The following GHITM variants were observed in gnomAD, a reference collection of about 807,000 sequenced individuals.
GHITM encodes the protein growth hormone-inducible transmembrane protein.
A neutral mutation model predicts 38.7 loss-of-function variants in GHITM; 24 were observed. That is an observed-to-expected ratio of 0.62 (90% CI 0.45 to 0.87). GHITM has a LOEUF of 0.87. Ranked by LOEUF, GHITM falls within the 40% of genes least tolerant of loss-of-function variation. The pLI is 0.00. For synonymous variants in GHITM, 154 were observed against 147.8 expected (o/e 1.04, Z -0.30); for missense variants, 420 against 429.8 (o/e 0.98, Z 0.20).
chr10:84,142,686 G>T lies in GHITM; in HGVS notation c.161G>T (p.Arg54Leu). ...EYATKTRIGIRRGRTGQELKE... is the reference protein window; with the variant it reads ...EYATKTRIGILRGRTGQELKE... ...GCCACCAAAACAAGAATTGGGATCC[G>T]GCGTGGGAGAACTGGCCAAGAACTC... The change falls in exon 3 of 9, where the codon CGG becomes CTG. Residue 54 changes from arginine (R) to leucine (L), a missense_variant. Coordinates refer to ENST00000372134, the MANE Select transcript of GHITM (RefSeq NM_014394.3). 2 of 1,612,578 alleles carry T rather than the reference G, an allele frequency of 1.2e-6. No individual in the cohort carries two copies. The highest frequency in any genetic ancestry group is 1.7e-6 in the Non-Finnish European group (2 of 1,179,062).
rs997723698 is a variant in GHITM at position 84,152,925 on chromosome 10, T to G, written c.*577T>G. 3 of 152,248 alleles carry G rather than the reference T, an allele frequency of 2.0e-5. No individual in the cohort carries two copies. The highest frequency in any genetic ancestry group is 4.4e-5 in the Non-Finnish European group (3 of 68,056). The allele number at this position is 152,248 out of a possible 1,614,324, so 9.4% of individuals were successfully genotyped here. ...TCATCTGCTGAACTTAACAAAACTG[T>G]TCATCCTGAAACAGGCACAGGTGAT... On this transcript the variant is annotated 3_prime_UTR_variant, in exon 9 of 9. Coordinates refer to ENST00000372134, the MANE Select transcript of GHITM (RefSeq NM_014394.3).
intron 3 of GHITM, 51 bp downstream of exon 3, chr10:84,142,805 G>T (rs1841520561): frequency 3.2e-6 from 3 of 952,334 alleles, no homozygotes; most frequent in South Asian, 1.4e-5. Context: ...TATGTTTTAA[G>T]AGGTCCATGA....
rs1014357608 is a variant in GHITM, at chr10:84,141,529, G to C, written c.29G>C (p.Arg10Pro). MLAARLVCL[R>P]TLPSRVFHPA... ...TTGGCTGCAAGGCTGGTGTGTCTCCGGACACTACCTTCTAGGGTTTTCCAC... is the reference window on the plus strand; with the variant it reads ...TTGGCTGCAAGGCTGGTGTGTCTCCCGACACTACCTTCTAGGGTTTTCCAC... The change falls in exon 2 of 9, where the codon CGG becomes CCG. Residue 10 changes from arginine (R) to proline (P), a missense_variant. Transcript: ENST00000372134. 6.2e-7 allele frequency: 1 copy of C among 1,613,350 alleles called. No homozygotes were observed. The highest frequency in any genetic ancestry group is 1.3e-5 in the African/African-American group (1 of 74,840).
chr10:84,146,749 A>G (rs753054900), intron 5 of GHITM, among the ~76,000 whole-genome samples: 5 of 152,234 alleles, frequency 3.3e-5, no homozygotes, highest in Non-Finnish European at 5.9e-5. Flanking sequence ...TTTGGGCCAT[A>G]TCCTCAGTCC....
At chr10:84,152,098 AC>A (rs1401580603) in intron 8 of GHITM, among the ~76,000 whole-genome samples, 165 bp from the exon 9 acceptor site, 1 of 152,226 alleles carries the variant, frequency 6.6e-6, no homozygotes, top group Non-Finnish European at 1.5e-5. Context: ...GAAGACCTTA[AC>A]TATTTTCTAG....
intron 1 of GHITM, chr10:84,140,085 C>T (rs1175072364): frequency 1.3e-5 from 2 of 152,256 alleles, no homozygotes; most frequent in Non-Finnish European, 2.9e-5. Context: ...TCTTAGAGAT[C>T]CACACTCCTC....
chr10:84,144,622 G>A (rs1841540048), intron 4 of GHITM, among the ~76,000 whole-genome samples: 1 of 152,090 alleles, frequency 6.6e-6, no homozygotes, highest in South Asian at 2.1e-4. Flanking sequence ...CCAAAGTGCT[G>A]GGATTACAGG....
intron 6 of GHITM, among the ~76,000 whole-genome samples, chr10:84,149,464 C>G (rs890131855): frequency 1.3e-5 from 2 of 152,026 alleles, no homozygotes; most frequent in African/African-American, 2.4e-5. Context: ...TTCTTCTTAG[C>G]ACTGAAATAA....
chr10:84,150,874 T>C lies in GHITM; in HGVS notation c.947T>C (p.Ile316Thr), dbSNP rs781482245. Residue 316 changes from isoleucine to threonine, a missense_variant, in exon 8 of 9, where the codon ATT (isoleucine) becomes ACT (threonine). Coordinates refer to ENST00000372134, the MANE Select transcript of GHITM (RefSeq NM_014394.3). ...TATGGAGTTCAAAAATATGATCCCA[T>C]TAACTCGTAAGTAATGCTTTTTATT... ...PMYGVQKYDPINSMLSIYMDT... is the reference protein window; with the variant it reads ...PMYGVQKYDPTNSMLSIYMDT... 6.3e-7 allele frequency: 1 copy of C among 1,594,658 alleles called. No homozygotes were observed. Among genetic ancestry groups the C allele is most frequent in the South Asian group, 1.1e-5 (1 of 90,646 alleles).
Position 84,148,741 on chromosome 10 carries a change from G to A in GHITM, c.495G>A (p.Val165=), listed in dbSNP as rs907319596. 6.8e-6 allele frequency: 11 copies of A among 1,608,860 alleles called. No homozygotes were observed. Among genetic ancestry groups the A allele is most frequent in the Non-Finnish European group, 9.4e-6 (11 of 1,175,230 alleles). Residue 165 remains valine (V), a synonymous_variant, in exon 6 of 9, where the codon GTG becomes GTA. Transcript: ENST00000372134. The stretch of plus-strand genomic sequence containing the variant: ...TACTTGTCTTTCAGACAATTGGTGT[G>A]ACCTTTGCAGCCATGGTTGGAGCTG... ...MMRGSWVTIG[V]TFAAMVGAGM... is the part of the protein sequence containing the mutation.
intron 2 of GHITM, among the ~76,000 whole-genome samples, chr10:84,142,112 T>C (rs1440301640): frequency 6.6e-6 from 1 of 152,226 alleles, no homozygotes; most frequent in Non-Finnish European, 1.5e-5. Flanking sequence ...TGTGAGGTAA[T>C]GAGGACAATA....
At position 84,141,460 on chromosome 10, in the gene GHITM, A is replaced by G. The variant is rs374550301; in HGVS notation, c.-39-2A>G. On this transcript the variant is annotated splice_acceptor_variant, in intron 1 of 8. Coordinates refer to ENST00000372134, the MANE Select transcript of GHITM (RefSeq NM_014394.3). LOFTEE classifies it low-confidence loss of function (5UTR_SPLICE). The stretch of plus-strand genomic sequence containing the variant: ...GTTGGTTTTGCCTTTTTTTTAAACT[A>G]GCATTTCAGATCTGCTCGGTAGACC... 1.1e-5 allele frequency: 18 copies of G among 1,593,344 alleles called. No individual in the cohort carries two copies. In the African/African-American group the frequency reaches 2.2e-4, roughly 19 times the overall value.
Position 84,144,071 on chromosome 10 carries a change from A to T in GHITM, c.306A>T (p.Gly102=). 1 of 1,613,440 alleles carries T rather than the reference A, an allele frequency of 6.2e-7. No individual in the cohort carries two copies. The highest frequency in any genetic ancestry group is 8.5e-7 in the Non-Finnish European group (1 of 1,179,454). The part of the protein sequence containing the change: ...GLGALCYYGL[G]LSNEIGAIEK... ...GAGCATTGTGCTACTATGGCTTGGG[A>T]CTGTCTAATGAGATTGGAGCTATTG... Residue 102 remains glycine (G), a synonymous_variant, in exon 4 of 9, where the codon GGA becomes GGT. Transcript: ENST00000372134.
intron 5 of GHITM, among the ~76,000 whole-genome samples, chr10:84,145,328 A>G (rs1262008458): frequency 6.6e-6 from 1 of 152,228 alleles, no homozygotes; most frequent in African/African-American, 2.4e-5. Flanking sequence ...TGAAGTCTGA[A>G]ACACTTCTGG....
chr10:84,149,183 A>T (rs73315847), intron 6 of GHITM, among the ~76,000 whole-genome samples: 2 of 152,242 alleles, frequency 1.3e-5, no homozygotes, highest in Admixed American at 6.5e-5. Flanking sequence ...AAAACTGAGG[A>T]TAGAGAAAGT....
chr10:84,146,387 TAAG>T (rs1384558172), intron 5 of GHITM, among the ~76,000 whole-genome samples: 1 of 152,122 alleles, frequency 6.6e-6, no homozygotes, highest in African/African-American at 2.4e-5. Flanking sequence ...TGAGGGATGA[TAAG>T]AACCTGAACT....
chr10:84,145,215 C>G (rs1841546187), intron 5 of GHITM, among the ~76,000 whole-genome samples, 199 bp downstream of exon 5: 1 of 152,186 alleles, frequency 6.6e-6, no homozygotes, highest in African/African-American at 2.4e-5. Flanking sequence ...GTAGTGTCAA[C>G]ATGATGCTCA....
In GHITM at chr10:84,142,681, G is replaced by C. The variant is rs1841518791; in HGVS notation, c.156G>C (p.Gly52=). 3.1e-6 allele frequency: 5 copies of C among 1,612,684 alleles called. No individual in the cohort carries two copies. Among genetic ancestry groups the C allele is most frequent in the Non-Finnish European group, 4.2e-6 (5 of 1,179,042 alleles). Residue 52 remains glycine, a synonymous_variant, in exon 3 of 9, where the codon GGG becomes GGC. Transcript: ENST00000372134. The part of the protein sequence containing the change: ...SREYATKTRI[G]IRRGRTGQEL... The stretch of plus-strand genomic sequence containing the variant: ...AATATGCCACCAAAACAAGAATTGG[G>C]ATCCGGCGTGGGAGAACTGGCCAAG...
chr10:84,146,808 A>G (rs976805637), intron 5 of GHITM, among the ~76,000 whole-genome samples: 1 of 152,248 alleles, frequency 6.6e-6, no homozygotes, highest in African/African-American at 2.4e-5. Context: ...TACAGAAAAT[A>G]GGAAAGCCAA....
Sources: gnomAD v4.1 joint callset for allele counts (sites outside exome capture counted in the v4.1 genomes callset) on GRCh38, gnomAD v4.1.1 for gene constraint, MANE v1.5 for transcripts, NCBI Gene and HGNC (gene_info 2026-07-23, HGNC 2026-07-21) for gene names.